Variants in KMT5B observed in about 807,000 individuals in gnomAD.
KMT5B encodes the protein histone-lysine N-methyltransferase KMT5B.
In KMT5B, 10 loss-of-function variants were observed where a neutral mutation model predicts 83.2. That is an observed-to-expected ratio of 0.12 (90% confidence interval 0.07 to 0.20). The LOEUF is 0.20. Ranked by LOEUF, KMT5B falls within the 10% of genes least tolerant of loss-of-function variation. KMT5B has a pLI of 1.00. For synonymous variants in KMT5B, 349 were observed against 388.8 expected, an observed-to-expected ratio of 0.90 and a Z score of 1.20; for missense variants, 753 against 1,067.2, an observed-to-expected ratio of 0.71 and a Z score of 4.10.
intron 10 of KMT5B, among the ~76,000 whole-genome samples, chr11:68,165,232 G>A (rs1346273866): frequency 5.3e-5 from 8 of 152,238 alleles, no homozygotes; most frequent in Admixed American, 5.2e-4. Context: ...GCCGGGTGCA[G>A]TGGCTCACAC....
chr11:68,162,069 T>C (rs1854916637), intron 10 of KMT5B, among the ~76,000 whole-genome samples: 1 of 152,150 alleles, frequency 6.6e-6, no homozygotes, highest in Non-Finnish European at 1.5e-5. Flanking sequence ...CTGAACTGCC[T>C]CACCAAGCCA....
rs757026529 is a variant in KMT5B, at chr11:68,158,462, T to C, written c.1884A>G (p.Glu628=). Residue 628 remains glutamate (E), a synonymous_variant, in exon 11 of 11, where the codon GAA becomes GAG. Transcript: ENST00000304363. ...KLVKQFAKIE[E]STPVHDSPGK... ...CAGGAGAATCGTGCACTGGAGTAGA[T>C]TCCTCTATTTTTGCAAACTGTTTCA... 1.8e-5 allele frequency: 29 copies of C among 1,613,912 alleles called. No individual in the cohort carries two copies. Among genetic ancestry groups the C allele is most frequent in the Non-Finnish European group, 2.4e-5 (28 of 1,179,988 alleles).
chr11:68,209,922 A>G (rs1860664197), intron 1 of KMT5B, among the ~76,000 whole-genome samples: 1 of 149,642 alleles, frequency 6.7e-6, no homozygotes, highest in Admixed American at 6.7e-5. Context: ...GCTGGAGTGC[A>G]GTGGAGCCAT....
chr11:68,203,658 G>A (rs1230067157), intron 1 of KMT5B, among the ~76,000 whole-genome samples: 6 of 152,128 alleles, frequency 3.9e-5, no homozygotes, highest in East Asian at 1.9e-4. Context: ...AAACTACCAC[G>A]AATTCACGTT....
At chr11:68,169,874 A>G (rs1855678386) in intron 9 of KMT5B, among the ~76,000 whole-genome samples, 1 of 150,984 alleles carries the variant, frequency 6.6e-6, no homozygotes, top group African/African-American at 2.5e-5. Context: ...ATTTTTATGT[A>G]GAAAAAGATA....
In KMT5B at chr11:68,158,333, T is replaced by G. The variant is rs750835507; in HGVS notation, c.2013A>C (p.Ser671=). ...ATGTCACAACTGAACAACCGACGGGTGAAGGAGCACAGTCTGTGTAGCTCA... is the reference window on the plus strand; with the variant it reads ...ATGTCACAACTGAACAACCGACGGGGGAAGGAGCACAGTCTGTGTAGCTCA... The part of the protein sequence containing the change: ...VPVSYTDCAP[S]PVGCSVVTSD... The change falls in exon 11 of 11, where the codon TCA becomes TCC. Residue 671 remains serine, a synonymous_variant. Coordinates refer to ENST00000304363, the MANE Select transcript of KMT5B (RefSeq NM_017635.5). 1 of 1,614,158 alleles carries G rather than the reference T, an allele frequency of 6.2e-7. No individual in the cohort carries two copies. The highest frequency in any genetic ancestry group is 1.1e-5 in the South Asian group (1 of 91,084).
intron 3 of KMT5B, among the ~76,000 whole-genome samples, chr11:68,185,385 T>C (rs1168540402): frequency 6.6e-6 from 1 of 152,164 alleles, no homozygotes; most frequent in African/African-American, 2.4e-5. Context: ...TTTTTGTACT[T>C]TTAGTAGAGA....
chr11:68,167,456 CTTTTT>C (rs755731394), intron 9 of KMT5B, among the ~76,000 whole-genome samples: 10 of 139,150 alleles, frequency 7.2e-5, no homozygotes, highest in African/African-American at 2.4e-4. Context: ...AAATTTTTTC[CTTTTT>C]TTTTTTTTTT....
rs1265580964 is a variant in KMT5B at position 68,185,945 on chromosome 11, C to A, written c.161-17G>T. On this transcript the variant is annotated splice_polypyrimidine_tract_variant and intron_variant, in intron 2 of 10. Transcript: ENST00000304363. The stretch of plus-strand genomic sequence containing the variant: ...TACCATTACCTGTGAAAAGCAAAAG[C>A]AAGAAAAATTACTCAAATTGAAAAC... 3 of 1,561,328 alleles carry A rather than the reference C, an allele frequency of 1.9e-6. No homozygotes were observed. Among genetic ancestry groups the A allele is most frequent in the Non-Finnish European group, 8.7e-7 (1 of 1,151,046 alleles).
chr11:68,166,624 T>C, intron 10 of KMT5B: 5 of 1,046,898 alleles, frequency 4.8e-6, no homozygotes, highest in Non-Finnish European at 5.8e-6. Flanking sequence ...GTATAGAGTC[T>C]AATTTAATTC....
chr11:68,159,770 A>C (rs1055568572), intron 10 of KMT5B, among the ~76,000 whole-genome samples: 2 of 152,366 alleles, frequency 1.3e-5, no homozygotes, highest in African/African-American at 2.4e-5. Context: ...GAAATGCACT[A>C]TTCTAAGTTG....
chr11:68,206,143 C>A (rs1419316109), intron 1 of KMT5B, among the ~76,000 whole-genome samples: 2 of 152,102 alleles, frequency 1.3e-5, no homozygotes, highest in South Asian at 2.1e-4. Flanking sequence ...GAGGGAAAGT[C>A]CTCAAAAAAA....
chr11:68,180,877 A>G (rs138268892), intron 3 of KMT5B, among the ~76,000 whole-genome samples: 4 of 152,364 alleles, frequency 2.6e-5, no homozygotes, highest in African/African-American at 9.6e-5. Context: ...AGGTTTCATA[A>G]TTGACAAAAG....
intron 4 of KMT5B, 29 bp from the exon 5 acceptor site, chr11:68,175,212 T>G (rs1254197990): frequency 1.3e-6 from 2 of 1,588,382 alleles, no homozygotes; most frequent in East Asian, 4.5e-5. Flanking sequence ...ATGAATGGGT[T>G]ATCTGCCACA....
chr11:68,169,466 T>C (rs1407882454), intron 9 of KMT5B, among the ~76,000 whole-genome samples: 1 of 152,244 alleles, frequency 6.6e-6, no homozygotes, highest in Non-Finnish European at 1.5e-5. Context: ...TACAAGCCCC[T>C]GCCTTCATGG....
chr11:68,212,215 A>G (rs1170132295), intron 1 of KMT5B, among the ~76,000 whole-genome samples: 2 of 152,204 alleles, frequency 1.3e-5, no homozygotes, highest in African/African-American at 4.8e-5. Context: ...GCCATCCTCA[A>G]CTACACTTTA....
intron 1 of KMT5B, among the ~76,000 whole-genome samples, chr11:68,207,024 C>G (rs1295513486): frequency 1.3e-5 from 2 of 151,774 alleles, no homozygotes; most frequent in Non-Finnish European, 2.9e-5. Flanking sequence ...GGGCGGATCA[C>G]GAGGTCAGGA....
rs557215594 is a variant in KMT5B at position 68,170,334 on chromosome 11, G to A, written c.977+681C>T. On this transcript the variant is annotated intron_variant, in intron 9 of 10. Coordinates refer to ENST00000304363, the MANE Select transcript of KMT5B (RefSeq NM_017635.5). The stretch of plus-strand genomic sequence containing the variant: ...TAAAGTGCCTGGCACAGTGCAAGAT[G>A]TGCAAAATGGACTCCAGGTTTCCTT... Among the ~76,000 whole-genome samples, 12 of 152,298 alleles carry A rather than the reference G, an allele frequency of 7.9e-5. No homozygotes were observed. In the East Asian group the frequency reaches 2.1e-3, roughly 27 times the overall value.
chr11:68,172,892 A>C (rs1855984050), intron 6 of KMT5B, among the ~76,000 whole-genome samples: 1 of 152,118 alleles, frequency 6.6e-6, no homozygotes, highest in African/African-American at 2.4e-5. Flanking sequence ...CTGACCCCCC[A>C]AATTTTTGTG....
Sources: gnomAD v4.1 joint callset for allele counts (sites outside exome capture counted in the v4.1 genomes callset) on GRCh38, gnomAD v4.1.1 for gene constraint, MANE v1.5 for transcripts, NCBI Gene and HGNC (gene_info 2026-07-23, HGNC 2026-07-21) for gene names.